PDE1C: variants seen among roughly 807,000 people sequenced by gnomAD.
The protein encoded by PDE1C is dual specificity calcium/calmodulin-dependent 3',5'-cyclic nucleotide phosphodiesterase 1C.
In PDE1C, 62 loss-of-function variants were observed where a neutral mutation model predicts 93.1. The ratio of observed to expected loss-of-function variants is 0.67; its 90% CI spans 0.54 to 0.82. PDE1C has a LOEUF of 0.82. Ranked by LOEUF, PDE1C falls within the 40% of genes least tolerant of loss-of-function variation. PDE1C has a pLI of 0.00. For missense variants in PDE1C, 742 were observed against 884.6 expected, an observed-to-expected ratio of 0.84 and a Z score of 2.04; for synonymous variants, 325 against 310.1, an observed-to-expected ratio of 1.05 and a Z score of -0.50.
At chr7:32,055,691 C>T (rs928046031) in intron 1 of PDE1C, among the ~76,000 whole-genome samples, 12 of 152,194 alleles carry the variant, frequency 7.9e-5, no homozygotes, top group Admixed American at 1.3e-4. Context: ...ATCCCTGACT[C>T]GCAATCTGAA....
the PDE1C span, among the ~76,000 whole-genome samples, chr7:31,647,743 T>C: frequency 1.4e-5 from 2 of 146,920 alleles, no homozygotes; most frequent in South Asian, 2.2e-4. Flanking sequence ...ACAATGGGAG[T>C]TCTGAGCAGA....
intron 16 of PDE1C, chr7:31,789,949 A>T: frequency 2.5e-6 from 3 of 1,198,916 alleles, no homozygotes; most frequent in Non-Finnish European, 3.1e-6. Flanking sequence ...AAGGATTTTG[A>T]GGATGCCCCT....
downstream of PDE1C, among the ~76,000 whole-genome samples, chr7:31,747,855 C>G (rs775842374): frequency 2.0e-4 from 4 of 19,610 alleles, no homozygotes; most frequent in Non-Finnish European, 4.7e-4. Flanking sequence ...TGCAAAACAT[C>G]TCAAAAAAAA....
chr7:31,842,077 A>G (rs1048330181), intron 9 of PDE1C, among the ~76,000 whole-genome samples: 1 of 152,122 alleles, frequency 6.6e-6, no homozygotes, highest in Admixed American at 6.6e-5. Flanking sequence ...AAACACCCTC[A>G]CAGAAACAAC....
chr7:32,426,538 C>T lies in PDE1C; in HGVS notation c.310+1284G>A, dbSNP rs1344034589. 4.6e-4 allele frequency among the ~76,000 whole-genome samples: 70 copies of T among 152,038 alleles called. 1 individual carries two copies. The highest frequency in any genetic ancestry group is 4.6e-3 in the Admixed American group (70 of 15,258). ...AATCCACCTCTCAAAGGGCTGGGAT[C>T]ACTGCACCTGGCTGTACTCATTTTA... On this transcript the variant is annotated intron_variant, in intron 1 of 1. Transcript: ENST00000672256.
At chr7:31,641,622 C>A in the PDE1C span, among the ~76,000 whole-genome samples, 1 of 152,262 alleles carries the variant, frequency 6.6e-6, no homozygotes, top group Middle Eastern at 3.4e-3. Flanking sequence ...AAGTCATAAC[C>A]TGCCCACACG....
the PDE1C span, among the ~76,000 whole-genome samples, chr7:31,710,971 A>G: frequency 6.6e-6 from 1 of 152,324 alleles, no homozygotes; most frequent in East Asian, 1.9e-4. Context: ...TCTACCTTGG[A>G]CACTCCAAGC....
chr7:31,989,746 C>A (rs113950714), intron 2 of PDE1C, among the ~76,000 whole-genome samples: 5 of 152,312 alleles, frequency 3.3e-5, no homozygotes, highest in African/African-American at 1.2e-4. Context: ...ACGATAACTG[C>A]GGTGACTAGC....
intron 1 of PDE1C, among the ~76,000 whole-genome samples, chr7:32,067,091 C>T (rs1024648011): frequency 6.6e-6 from 1 of 152,194 alleles, no homozygotes; most frequent in Non-Finnish European, 1.5e-5. Flanking sequence ...ATCATCATAA[C>T]AGACACCTGG....
At chr7:32,411,325 C>T (rs1437351545) in intron 1 of PDE1C, among the ~76,000 whole-genome samples, 3 of 152,212 alleles carry the variant, frequency 2.0e-5, no homozygotes, top group African/African-American at 7.2e-5. Context: ...AGTGCACTTG[C>T]ACAAACCTAG....
At chr7:31,930,096 C>G (rs147416673) in intron 2 of PDE1C, among the ~76,000 whole-genome samples, 3 of 152,182 alleles carry the variant, frequency 2.0e-5, no homozygotes, top group African/African-American at 7.2e-5. Flanking sequence ...ACTGATCCCA[C>G]AGAAATACAA....
chr7:32,050,525 G>T lies in PDE1C; in HGVS notation c.128+1029C>A, dbSNP rs576450801. Among the ~76,000 whole-genome samples, 4 of 152,156 alleles carry T rather than the reference G, an allele frequency of 2.6e-5. No homozygotes were observed. In the East Asian group the frequency reaches 7.7e-4, roughly 29 times the overall value. On this transcript the variant is annotated intron_variant, in intron 2 of 17. Transcript: ENST00000396191. ...TGAACCAATGAATGAACAACGTGAG[G>T]TGATGAATATGTTAATTTGCTTGAC...
the PDE1C span, among the ~76,000 whole-genome samples, chr7:31,624,730 A>G: frequency 6.6e-6 from 1 of 151,538 alleles, no homozygotes; most frequent in African/African-American, 2.4e-5. Flanking sequence ...TTCATGTCTA[A>G]AACACCAAAA....
intron 1 of PDE1C, among the ~76,000 whole-genome samples, chr7:32,273,651 C>A (rs1267545810): frequency 6.6e-6 from 1 of 152,092 alleles, no homozygotes; most frequent in Non-Finnish European, 1.5e-5. Flanking sequence ...TCCATGAGAA[C>A]CAGAGGGTAA....
At chr7:31,855,346 A>G (rs920300098) in intron 7 of PDE1C, among the ~76,000 whole-genome samples, 6 of 152,048 alleles carry the variant, frequency 3.9e-5, no homozygotes, top group African/African-American at 1.4e-4. Context: ...CAAACCTCTG[A>G]CTTTGGCCAT....
intron 3 of PDE1C, among the ~76,000 whole-genome samples, chr7:32,105,040 A>G (rs997998502): frequency 6.6e-6 from 1 of 152,146 alleles, no homozygotes; most frequent in South Asian, 2.1e-4. Context: ...ATGTCTCCCA[A>G]GCTGGTGAAA....
Position 32,012,529 on chromosome 7 carries a change from A to C in PDE1C, c.128+39025T>G, listed in dbSNP as rs1222813107. ...GGACAAACATCCAAACCCATATCAG[A>C]ATCTGTGTATGTAAAATTCTAGAAA... On this transcript the variant is annotated intron_variant, in intron 2 of 17. Transcript: ENST00000396191. Among the ~76,000 whole-genome samples the C allele has an allele frequency of 2.0e-5, 3 of 152,204 alleles. No individual in the cohort carries two copies. The East Asian group carries it at 5.8e-4, about 29-fold the overall frequency.
intron 1 of PDE1C, among the ~76,000 whole-genome samples, chr7:32,317,016 G>A (rs928098701): frequency 3.9e-5 from 6 of 152,080 alleles, no homozygotes; most frequent in African/African-American, 9.7e-5. Flanking sequence ...ACAGGGCACC[G>A]CCACTGACAC....
At chr7:32,323,495 C>A (rs1184344411) in intron 1 of PDE1C, among the ~76,000 whole-genome samples, 1 of 152,114 alleles carries the variant, frequency 6.6e-6, no homozygotes, top group Non-Finnish European at 1.5e-5. Flanking sequence ...AATACCCACC[C>A]CTGAGGGAGA....
Sources: gnomAD v4.1 joint callset for allele counts (sites outside exome capture counted in the v4.1 genomes callset) on GRCh38, gnomAD v4.1.1 for gene constraint, MANE v1.5 for transcripts, NCBI Gene and HGNC (gene_info 2026-07-23, HGNC 2026-07-21) for gene names.